Variants in PCDHGB2 observed in about 807,000 individuals in gnomAD.
The protein encoded by PCDHGB2 is protocadherin gamma subfamily B, 2, also known as protocadherin gamma-B2.
PCDHGB2 carries 55 observed loss-of-function variants against 59.3 expected under a neutral mutation model. The observed-to-expected ratio is 0.93, with a 90% confidence interval of 0.75 to 1.16. The LOEUF is 1.16. PCDHGB2 is among the 50% of genes most tolerant of loss of function. The pLI is 0.00. For missense variants in PCDHGB2, 1,228 were observed against 1,198.5 expected (o/e 1.02, Z -0.36); for synonymous variants, 516 against 512.0 (o/e 1.01, Z -0.11).
At chr5:141,438,232 GT>G (rs531572606) in intron 1 of PCDHGB2, among the ~76,000 whole-genome samples, 207 of 152,154 alleles carry the variant, frequency 1.4e-3, no homozygotes, top group Middle Eastern at 0.01. Flanking sequence ...TCAGGAAAAT[GT>G]TTTTAAAAAA....
chr5:141,366,267 T>A (rs201030376), intron 1 of PCDHGB2: 49 of 1,613,514 alleles, frequency 3.0e-5, no homozygotes, highest in Non-Finnish European at 3.9e-5. Context: ...GTGGTGGCCG[T>A]CGAAGACCAT....
chr5:141,504,956 G>A (rs1327603937), intron 2 of PCDHGB2, among the ~76,000 whole-genome samples: 1 of 152,096 alleles, frequency 6.6e-6, no homozygotes, highest in Non-Finnish European at 1.5e-5. Context: ...TATGTTCAAT[G>A]CATTGGACCA....
chr5:141,490,051 G>A lies in PCDHGB2; in HGVS notation c.2422-4756G>A, dbSNP rs779280988. The A allele has an allele frequency of 6.2e-6, 10 of 1,614,094 alleles. No homozygotes were observed. Among genetic ancestry groups the A allele is most frequent in the Admixed American group, 5.0e-5 (3 of 60,012 alleles). ...CCGCCTCAATGCCACTGATCCAGAC[G>A]AGGGCACCAACGGCCAACTAGACTA... On this transcript the variant is annotated intron_variant, in intron 1 of 3. Coordinates refer to ENST00000522605, the MANE Select transcript of PCDHGB2 (RefSeq NM_018923.3). The surrounding 1 kb of genome is among the most constrained non-coding windows in gnomAD (Gnocchi z 5.4).
intron 1 of PCDHGB2, among the ~76,000 whole-genome samples, chr5:141,471,120 C>T (rs560582806): frequency 6.7e-6 from 1 of 149,470 alleles, no homozygotes; most frequent in South Asian, 2.1e-4. Context: ...GCGATCTTAC[C>T]TTCACTGCAA....
chr5:141,426,882 C>T, intron 1 of PCDHGB2: 1 of 456,664 alleles, frequency 2.2e-6, no homozygotes, highest in South Asian at 1.5e-5. Flanking sequence ...GCCCCTGGGC[C>T]AGGAGCAACA....
At chr5:141,381,785 G>T (rs1349926565) in intron 1 of PCDHGB2, among the ~76,000 whole-genome samples, 1 of 149,782 alleles carries the variant, frequency 6.7e-6, no homozygotes, top group Non-Finnish European at 1.5e-5. Context: ...CAGGAACAAG[G>T]CAAGGCAATT....
At chr5:141,500,026 T>G (rs1297397353) in intron 2 of PCDHGB2, among the ~76,000 whole-genome samples, 1 of 151,974 alleles carries the variant, frequency 6.6e-6, no homozygotes, top group Non-Finnish European at 1.5e-5. Flanking sequence ...TATATTTGAG[T>G]GAGTGTCTCT....
intron 1 of PCDHGB2, chr5:141,384,334 C>G (rs1779970411): frequency 2.5e-6 from 4 of 1,613,846 alleles, no homozygotes; most frequent in Non-Finnish European, 2.5e-6. Flanking sequence ...TGCACAGGAC[C>G]ACGACAGTGA....
intron 1 of PCDHGB2, among the ~76,000 whole-genome samples, chr5:141,482,447 T>C (rs2099560010): frequency 6.7e-6 from 1 of 149,882 alleles, no homozygotes; most frequent in East Asian, 1.9e-4. Flanking sequence ...ATTCACCATT[T>C]ATTAGCATCC....
Position 141,394,654 on chromosome 5 carries a change from C to G in PCDHGB2, c.2421+32098C>G, listed in dbSNP as rs372355655. On this transcript the variant is annotated intron_variant, in intron 1 of 3. Transcript: ENST00000522605. Reference sequence around the variant, plus strand: ...TACCGCCTGCTCAAGGCCAGCGAGCCGGGACTCTTCTCGGTGGGTCTGCAC... The same window carrying G: ...TACCGCCTGCTCAAGGCCAGCGAGCGGGGACTCTTCTCGGTGGGTCTGCAC... 47 of 1,613,236 alleles carry G rather than the reference C, an allele frequency of 2.9e-5. No homozygotes were observed. The African/African-American group carries it at 5.7e-4, about 20-fold the overall frequency.
At position 141,431,808 on chromosome 5, in the gene PCDHGB2, C is replaced by A. The variant is rs2097419249; in HGVS notation, c.2422-62999C>A. Reference sequence around the variant, plus strand: ...GACAATGCCCCAGAAGTGGTCCTCACCTCTCTCGCCAGCTCGGTTCCCGAA... The same window carrying A: ...GACAATGCCCCAGAAGTGGTCCTCAACTCTCTCGCCAGCTCGGTTCCCGAA... On this transcript the variant is annotated intron_variant, in intron 1 of 3. Transcript: ENST00000522605. The surrounding 1 kb of genome is among the most constrained non-coding windows in gnomAD (Gnocchi z 4.8). The A allele has an allele frequency of 6.2e-7, 1 of 1,614,236 alleles. No individual in the cohort carries two copies. Among genetic ancestry groups the A allele is most frequent in the Non-Finnish European group, 8.5e-7 (1 of 1,180,040 alleles).
chr5:141,419,505 G>A lies in PCDHGB2; in HGVS notation c.2421+56949G>A, dbSNP rs115850576. The A allele has an allele frequency of 8.4e-4, 1,351 of 1,612,324 alleles. 13 individuals are homozygous for A. In the African/African-American group the frequency reaches 0.015, roughly 18 times the overall value. The stretch of plus-strand genomic sequence containing the variant: ...GCGCTCAGCGCCAATGTGAGCCTGC[G>A]CGTGTTGGTGGGCGACCGTAACGAC... On this transcript the variant is annotated intron_variant, in intron 1 of 3. Transcript: ENST00000522605.
chr5:141,375,886 C>G lies in PCDHGB2; in HGVS notation c.2421+13330C>G, dbSNP rs1772014955. The G allele has an allele frequency of 1.2e-6, 2 of 1,613,822 alleles. No homozygotes were observed. Among genetic ancestry groups the G allele is most frequent in the Non-Finnish European group, 8.5e-7 (1 of 1,180,024 alleles). On this transcript the variant is annotated intron_variant, in intron 1 of 3. Coordinates refer to ENST00000522605, the MANE Select transcript of PCDHGB2 (RefSeq NM_018923.3). ...CGGTGGACAGAGACTCGGGCCAGAACGCCTGGCTGTCCTACCGCCTGCTCA... is the reference window on the plus strand; with the variant it reads ...CGGTGGACAGAGACTCGGGCCAGAAGGCCTGGCTGTCCTACCGCCTGCTCA...
At chr5:141,467,344 C>A (rs2099142230) in intron 1 of PCDHGB2, among the ~76,000 whole-genome samples, 1 of 152,122 alleles carries the variant, frequency 6.6e-6, no homozygotes, top group South Asian at 2.1e-4. Flanking sequence ...TAAGCCACTG[C>A]CCCCGGCCAA....
In PCDHGB2 at chr5:141,476,336, C is replaced by A; in HGVS notation, c.2422-18471C>A. 18 of 1,614,008 alleles carry A rather than the reference C, an allele frequency of 1.1e-5. No homozygotes were observed. Among genetic ancestry groups the A allele is most frequent in the Non-Finnish European group, 1.5e-5 (18 of 1,180,008 alleles). ...GTTCCGGGTGGTGTCTGGAGCTAGC[C>A]GAAGATTCTTTGAGGTGAACCGGGA... On this transcript the variant is annotated intron_variant, in intron 1 of 3. Coordinates refer to ENST00000522605, the MANE Select transcript of PCDHGB2 (RefSeq NM_018923.3). The surrounding 1 kb of genome is among the most constrained non-coding windows in gnomAD (Gnocchi z 7.6).
chr5:141,480,946 G>A (rs1415705408), intron 1 of PCDHGB2, among the ~76,000 whole-genome samples: 1 of 152,172 alleles, frequency 6.6e-6, no homozygotes, highest in Non-Finnish European at 1.5e-5. Context: ...TCTAGAGGCT[G>A]AGGCGGAAGC....
At chr5:141,375,622 TCTGTACGCC>T in intron 1 of PCDHGB2, 1 of 1,614,200 alleles carries the variant, frequency 6.2e-7, no homozygotes. Flanking sequence ...ACACTGGGAT[TCTGTACGCC>T]CTGCGCTCCT....
At chr5:141,472,980 C>CAA (rs60579131) in intron 1 of PCDHGB2, among the ~76,000 whole-genome samples, 188 of 86,094 alleles carry the variant, frequency 2.2e-3, no homozygotes, top group Non-Finnish European at 3.2e-3. Flanking sequence ...GAGTGAAACT[C>CAA]AAAAAAAAAA....
intron 1 of PCDHGB2, chr5:141,404,928 C>G: frequency 2.5e-6 from 4 of 1,613,866 alleles, no homozygotes; most frequent in Non-Finnish European, 3.4e-6. Context: ...GCCACTGTCA[C>G]GCTCACAGTA....
Sources: gnomAD v4.1 joint callset for allele counts (sites outside exome capture counted in the v4.1 genomes callset) on GRCh38, gnomAD v4.1.1 for gene constraint, Gnocchi (gnomAD v3.1) non-coding constraint, MANE v1.5 for transcripts, NCBI Gene and HGNC (gene_info 2026-07-23, HGNC 2026-07-21) for gene names.